The following RCOR1 variants were observed in gnomAD, a reference collection of about 807,000 sequenced individuals.
The protein encoded by RCOR1 is REST corepressor 1.
A neutral mutation model predicts 64.0 loss-of-function variants in RCOR1; 12 were observed. The observed-to-expected ratio is 0.19, with a 90% CI of 0.12 to 0.30. RCOR1 has a LOEUF of 0.30. Among genes scored for constraint, RCOR1 ranks in the 10% least tolerant of loss-of-function variants. The probability of loss-of-function intolerance (pLI) is 1.00; values close to 1 mark genes in which losing one functional copy is unlikely to be tolerated. For synonymous variants in RCOR1, 279 were observed against 227.2 expected, an observed-to-expected ratio of 1.23 and a Z score of -2.05; for missense variants, 502 against 621.2, an observed-to-expected ratio of 0.81 and a Z score of 2.04.
rs1896045903 is a variant in RCOR1 at position 102,715,191 on chromosome 14, C to T, written c.1053+574C>T. On this transcript the variant is annotated intron_variant, in intron 8 of 11. Transcript: ENST00000262241. ...TCATGCCATTTTCCTGCCTCAGCCT[C>T]CCGAGTAGCTGGGACTACAGGCACC... Among the ~76,000 whole-genome samples the T allele has an allele frequency of 4.6e-5, 7 of 151,738 alleles. No individual in the cohort carries two copies. In the South Asian group the frequency reaches 1.2e-3, roughly 27 times the overall value.
chr14:102,721,654 T>G (rs1896172797), intron 10 of RCOR1: 2 of 293,678 alleles, frequency 6.8e-6, no homozygotes, highest in Non-Finnish European at 6.2e-6. Flanking sequence ...ACCTAGATTC[T>G]TGGACAATTA....
At chr14:102,656,396 C>T (rs954031078) in intron 2 of RCOR1, among the ~76,000 whole-genome samples, 4 of 151,986 alleles carry the variant, frequency 2.6e-5, no homozygotes, top group Non-Finnish European at 5.9e-5. Flanking sequence ...GCTCAGCCTC[C>T]CTGAGTATTG....
At chr14:102,674,796 C>T (rs1016330124) in intron 2 of RCOR1, among the ~76,000 whole-genome samples, 4 of 151,952 alleles carry the variant, frequency 2.6e-5, no homozygotes, top group Admixed American at 6.6e-5. Flanking sequence ...GACTTTAGGC[C>T]GGGCACGGTG....
At chr14:102,686,262 C>G (rs1895416001) in intron 3 of RCOR1, among the ~76,000 whole-genome samples, 1 of 152,090 alleles carries the variant, frequency 6.6e-6, no homozygotes, top group Non-Finnish European at 1.5e-5. Flanking sequence ...TTCTTATTTT[C>G]TTGTTTAAAA....
At chr14:102,721,574 A>G (rs914607915) in intron 10 of RCOR1, 197 bp downstream of exon 10, 5 of 390,588 alleles carry the variant, frequency 1.3e-5, no homozygotes, top group African/African-American at 1.0e-4. Context: ...TTTTTTTTTT[A>G]ATGGAAAAAA....
chr14:102,730,340 A>G lies in RCOR1; in HGVS notation c.*3834A>G, dbSNP rs990514057. On this transcript the variant is annotated 3_prime_UTR_variant, in exon 12 of 12. Transcript: ENST00000262241. ...ATTTTAAAGAAAATATGTTGTAATA[A>G]TGCTGTTGTAAGTAATATTTTAATG... The G allele has an allele frequency of 2.2e-5, 5 of 227,430 alleles. No homozygotes were observed. The highest frequency in any genetic ancestry group is 4.2e-5 in the Non-Finnish European group (5 of 117,702). 14.1% of individuals were successfully genotyped at this position (227,430 alleles called of 1,614,324 possible).
intron 2 of RCOR1, among the ~76,000 whole-genome samples, chr14:102,656,772 C>A (rs984709813): frequency 6.8e-6 from 1 of 146,628 alleles, no homozygotes; most frequent in Non-Finnish European, 1.5e-5. Flanking sequence ...GAAAAGGTTT[C>A]TTTTCTTTTC....
chr14:102,722,614 T>C (rs1477486779), intron 11 of RCOR1, among the ~76,000 whole-genome samples, 198 bp downstream of exon 11: 2 of 152,230 alleles, frequency 1.3e-5, no homozygotes, highest in African/African-American at 4.8e-5. Flanking sequence ...ACATGTTAAT[T>C]TCTGGGCAAA....
chr14:102,703,817 G>C (rs1337231694), intron 4 of RCOR1, among the ~76,000 whole-genome samples: 2 of 152,216 alleles, frequency 1.3e-5, no homozygotes, highest in African/African-American at 4.8e-5. Flanking sequence ...AGCTGTGGCT[G>C]CCCAGGGCAA....
intron 3 of RCOR1, among the ~76,000 whole-genome samples, chr14:102,684,732 G>A (rs1479239079): frequency 1.3e-5 from 2 of 151,924 alleles, no homozygotes; most frequent in Non-Finnish European, 2.9e-5. Context: ...AATTTTTTTT[G>A]TATGTATTTA....
At chr14:102,676,538 G>A (rs1463056591) in intron 2 of RCOR1, among the ~76,000 whole-genome samples, 1 of 65,762 alleles carries the variant, frequency 1.5e-5, no homozygotes. Flanking sequence ...GGACGGGGCG[G>A]CTGGCCGGGC....
At chr14:102,653,920 CTTCTTTCTTTCTTTCTTTCTTTCT>C (rs553960381) in intron 2 of RCOR1, among the ~76,000 whole-genome samples, 3,763 of 98,906 alleles carry the variant, frequency 0.038, 268 homozygotes, top group Non-Finnish European at 0.059. Flanking sequence ...CAGGTATTTC[CTTCTTTCTTTCTTTCTTTCTTTCT>C]TTCTTTCTTT....
intron 2 of RCOR1, among the ~76,000 whole-genome samples, chr14:102,599,649 CTG>C (rs1160940125): frequency 1.4e-4 from 21 of 152,238 alleles, no homozygotes; most frequent in East Asian, 3.9e-4. Flanking sequence ...TGTCAGAAAA[CTG>C]TGTTATGTTT....
intron 5 of RCOR1, 80 bp downstream of exon 5, chr14:102,707,592 C>A: frequency 1.8e-6 from 2 of 1,119,500 alleles, no homozygotes; most frequent in African/African-American, 1.6e-5. Context: ...ATAGGGATAT[C>A]ATACTCAAAC....
At chr14:102,607,863 CAG>C (rs201128238) in intron 2 of RCOR1, among the ~76,000 whole-genome samples, 1,537 of 152,076 alleles carry the variant, frequency 0.01, 14 homozygotes, top group Admixed American at 0.015. Flanking sequence ...GCCTGGGCAA[CAG>C]AGCGAGACTC....
chr14:102,673,127 A>G (rs1895061978), intron 2 of RCOR1, among the ~76,000 whole-genome samples: 1 of 152,220 alleles, frequency 6.6e-6, no homozygotes, highest in African/African-American at 2.4e-5. Flanking sequence ...CCTGATTTTA[A>G]GAATATCTTT....
chr14:102,655,631 C>T (rs1406843279), intron 2 of RCOR1: 2 of 416,122 alleles, frequency 4.8e-6, no homozygotes, highest in African/African-American at 2.2e-5. Context: ...TCCCCTATCT[C>T]CCACTGGTTG....
intron 2 of RCOR1, among the ~76,000 whole-genome samples, chr14:102,629,355 A>T (rs1273233800): frequency 2.0e-5 from 3 of 150,816 alleles, no homozygotes; most frequent in African/African-American, 7.3e-5. Flanking sequence ...TTCCTTATTT[A>T]TCTTGTTTAT....
intron 4 of RCOR1, among the ~76,000 whole-genome samples, chr14:102,705,950 TA>T (rs1895843785): frequency 6.7e-6 from 1 of 149,238 alleles, no homozygotes; most frequent in Admixed American, 6.6e-5. Flanking sequence ...ACCCTGTCTC[TA>T]CAAAAAAAAA....
Sources: allele counts gnomAD v4.1 joint callset (sites outside exome capture counted in the v4.1 genomes callset), GRCh38; gene constraint gnomAD v4.1.1; transcripts MANE v1.5; gene names NCBI Gene and HGNC (gene_info 2026-07-23, HGNC 2026-07-21).